HLCS: variants seen among roughly 807,000 people sequenced by gnomAD.
HLCS encodes biotin--protein ligase.
Under a neutral mutation model 75.0 loss-of-function variants are expected in HLCS, and 53 were observed. That is an observed-to-expected ratio of 0.71 (90% CI 0.57 to 0.89). The LOEUF (loss-of-function observed/expected upper bound fraction) is 0.89, where lower values mean the gene tolerates loss of function less well. Among genes scored for constraint, HLCS ranks in the 40% least tolerant of loss-of-function variants. The pLI is 0.00. For synonymous variants in HLCS, 431 were observed against 428.6 expected (o/e 1.01, Z -0.07); for missense variants, 966 against 1,074.0 (o/e 0.90, Z 1.41).
chr21:36,978,376 C>T (rs1211079589), intron 1 of HLCS, among the ~76,000 whole-genome samples: 3 of 152,008 alleles, frequency 2.0e-5, no homozygotes, highest in Admixed American at 1.3e-4. Context: ...GCAACGTAGT[C>T]CCAGCTGCTC....
chr21:36,802,921 T>C (rs1445022099), intron 6 of HLCS, among the ~76,000 whole-genome samples: 1 of 152,212 alleles, frequency 6.6e-6, no homozygotes, highest in Non-Finnish European at 1.5e-5. Flanking sequence ...AATCTCAAAA[T>C]AAGACTTCTA....
chr21:36,781,812 C>T (rs1250321270), intron 6 of HLCS, among the ~76,000 whole-genome samples: 1 of 152,060 alleles, frequency 6.6e-6, no homozygotes, highest in Non-Finnish European at 1.5e-5. Flanking sequence ...ATATAAGATG[C>T]TATCTAGGAC....
chr21:36,934,647 G>A (rs2066797319), intron 4 of HLCS, among the ~76,000 whole-genome samples: 1 of 152,126 alleles, frequency 6.6e-6, no homozygotes, highest in South Asian at 2.1e-4. Flanking sequence ...CAAATCTGCA[G>A]CTTACTCGGC....
intron 6 of HLCS, among the ~76,000 whole-genome samples, chr21:36,859,520 C>T (rs1451708077): frequency 3.9e-5 from 6 of 152,212 alleles, no homozygotes. Context: ...GGGAGCAGGA[C>T]AACTGTAGTC....
intron 5 of HLCS, among the ~76,000 whole-genome samples, chr21:36,922,648 G>A (rs1221257059): frequency 6.6e-6 from 1 of 152,180 alleles, no homozygotes; most frequent in African/African-American, 2.4e-5. Context: ...TCACGAGGAA[G>A]CCCGCAAAAT....
Position 36,759,812 on chromosome 21 carries a change from G to C in HLCS, c.2151C>G (p.Asn717Lys), listed in dbSNP as rs148709879. 2.5e-6 allele frequency: 4 copies of C among 1,612,828 alleles called. No homozygotes were observed. The African/African-American group carries it at 5.3e-5, about 22-fold the overall frequency. Residue 717 changes from asparagine (N) to lysine (K), a missense_variant, in exon 9 of 11, where the codon AAC becomes AAG. Physicochemically the swap from Asn to Lys is moderately conservative, Grantham distance 94 (BLOSUM62 0). Coordinates refer to ENST00000674895, the MANE Select transcript of HLCS (RefSeq NM_001352514.2). Reference sequence around the variant, plus strand: ...TCATGAGGTCACTGTAATAAATATCGTTGGGCCACTTCACTCGTAAGTTGA... The same window carrying C: ...TCATGAGGTCACTGTAATAAATATCCTTGGGCCACTTCACTCGTAAGTTGA... ...QDINLRVKWP[N>K]DIYYSDLMKI...
intron 6 of HLCS, among the ~76,000 whole-genome samples, chr21:36,771,629 G>A (rs564791956): frequency 2.0e-5 from 3 of 152,254 alleles, no homozygotes; most frequent in South Asian, 2.1e-4. Context: ...GATGACCACC[G>A]GACACTTTTA....
intron 6 of HLCS, among the ~76,000 whole-genome samples, chr21:36,778,160 G>A (rs1478798137): frequency 3.3e-5 from 5 of 152,068 alleles, no homozygotes; most frequent in South Asian, 4.1e-4. Flanking sequence ...TAGTAGAGAT[G>A]GGGTTTCACC....
chr21:36,893,509 A>G (rs1429283046), intron 6 of HLCS, among the ~76,000 whole-genome samples: 1 of 152,144 alleles, frequency 6.6e-6, no homozygotes, highest in Non-Finnish European at 1.5e-5. Flanking sequence ...CACTAAAACA[A>G]CAGTCCCCAA....
intron 1 of HLCS, among the ~76,000 whole-genome samples, chr21:36,985,226 G>A (rs1206245278): frequency 6.6e-6 from 1 of 152,248 alleles, no homozygotes; most frequent in Non-Finnish European, 1.5e-5. Flanking sequence ...ATTCTTGCTA[G>A]CAGTATTATT....
intron 5 of HLCS, among the ~76,000 whole-genome samples, chr21:36,905,717 C>T (rs1411588505): frequency 6.6e-6 from 1 of 151,740 alleles, no homozygotes; most frequent in Non-Finnish European, 1.5e-5. Flanking sequence ...AAAAATAGAA[C>T]TAATAAGTGA....
At chr21:36,819,048 A>G (rs553430008) in intron 6 of HLCS, among the ~76,000 whole-genome samples, 1 of 152,328 alleles carries the variant, frequency 6.6e-6, no homozygotes, top group Admixed American at 6.5e-5. Context: ...GAAATGCTTG[A>G]GCCCCTACAG....
intron 1 of HLCS, among the ~76,000 whole-genome samples, chr21:36,980,196 T>TTAAA (rs1555979273): frequency 7.2e-6 from 1 of 139,716 alleles, no homozygotes; most frequent in Non-Finnish European, 1.5e-5. Context: ...TGACTATATT[T>TTAAA]AAAAAAAAAA....
chr21:36,832,183 G>A (rs1391399699), intron 6 of HLCS, among the ~76,000 whole-genome samples: 1 of 152,132 alleles, frequency 6.6e-6, no homozygotes, highest in Non-Finnish European at 1.5e-5. Context: ...TCCTATTACT[G>A]GGCAAGTGTC....
chr21:36,937,433 C>T (rs748554751), intron 3 of HLCS, 41 bp from the exon 4 acceptor site: 5 of 1,511,112 alleles, frequency 3.3e-6, no homozygotes, highest in Non-Finnish European at 4.6e-6. Flanking sequence ...AATTAATCAA[C>T]ACTTCTTGTA....
At chr21:36,872,152 G>T (rs571549387) in intron 6 of HLCS, among the ~76,000 whole-genome samples, 1 of 152,150 alleles carries the variant, frequency 6.6e-6, no homozygotes, top group African/African-American at 2.4e-5. Context: ...GCTGGGCGCG[G>T]TGGCTCACAC....
intron 6 of HLCS, among the ~76,000 whole-genome samples, chr21:36,840,366 C>T (rs1303391011): frequency 6.6e-6 from 1 of 152,048 alleles, no homozygotes; most frequent in Non-Finnish European, 1.5e-5. Flanking sequence ...TTGATGGGGA[C>T]TCCAAAAATA....
At chr21:36,939,288 AC>A (rs1569222063) in intron 2 of HLCS, among the ~76,000 whole-genome samples, 1 of 152,234 alleles carries the variant, frequency 6.6e-6, no homozygotes, top group East Asian at 1.9e-4. Context: ...TTCCCCAGAC[AC>A]TGGAAAAACA....
At chr21:36,954,878 C>A (rs1158746168) in intron 2 of HLCS, among the ~76,000 whole-genome samples, 1 of 151,880 alleles carries the variant, frequency 6.6e-6, no homozygotes, top group Non-Finnish European at 1.5e-5. Flanking sequence ...GTCTGGCCAC[C>A]ATGTGAAACC....
Sources: gnomAD v4.1 joint callset for allele counts (sites outside exome capture counted in the v4.1 genomes callset) on GRCh38, gnomAD v4.1.1 for gene constraint, MANE v1.5 for transcripts, NCBI Gene and HGNC (gene_info 2026-07-23, HGNC 2026-07-21) for gene names.